SIPA1L1: variants seen among roughly 807,000 people sequenced by gnomAD.
SIPA1L1 encodes signal-induced proliferation-associated 1-like protein 1.
In SIPA1L1, 26 loss-of-function variants were observed where a neutral mutation model predicts 162.7. That is an observed-to-expected ratio of 0.16 (90% CI 0.12 to 0.22). SIPA1L1 has a LOEUF of 0.22. Among genes scored for constraint, SIPA1L1 ranks in the 10% least tolerant of loss-of-function variants. The pLI is 1.00. For missense variants in SIPA1L1, 1,874 were observed against 2,241.0 expected, an observed-to-expected ratio of 0.84 and a Z score of 3.31; for synonymous variants, 829 against 837.4, an observed-to-expected ratio of 0.99 and a Z score of 0.17.
intron 22 of SIPA1L1, chr14:71,735,625 G>A (rs1331685069): frequency 6.8e-6 from 3 of 443,520 alleles, no homozygotes; most frequent in Non-Finnish European, 1.2e-5. Context: ...ATTATTTAAT[G>A]TCATAATACA....
intron 2 of SIPA1L1, among the ~76,000 whole-genome samples, chr14:71,472,423 G>C (rs779009740): frequency 6.6e-6 from 1 of 151,494 alleles, no homozygotes; most frequent in African/African-American, 2.4e-5. Flanking sequence ...GTGTGGTCAT[G>C]ATGACTATAA....
intron 15 of SIPA1L1, chr14:71,704,754 C>A (rs769978697): frequency 1.4e-5 from 23 of 1,612,926 alleles, no homozygotes; most frequent in Non-Finnish European, 1.7e-5. Context: ...GATTTCAATT[C>A]TTTTGTCCTC....
At chr14:71,636,096 A>G (rs1327068985) in intron 7 of SIPA1L1, among the ~76,000 whole-genome samples, 2 of 152,210 alleles carry the variant, frequency 1.3e-5, no homozygotes, top group African/African-American at 4.8e-5. Context: ...AAATAGGTAA[A>G]TACACAATTA....
chr14:71,687,039 A>G (rs2080920350), intron 13 of SIPA1L1, among the ~76,000 whole-genome samples: 1 of 152,224 alleles, frequency 6.6e-6, no homozygotes, highest in African/African-American at 2.4e-5. Context: ...TGACTTTTGA[A>G]CTGTTGCATA....
intron 16 of SIPA1L1, 57 bp downstream of exon 16, chr14:71,705,397 C>T: frequency 2.4e-6 from 3 of 1,255,922 alleles, no homozygotes; most frequent in Non-Finnish European, 3.5e-6. Context: ...ACCTTCCTTG[C>T]ACTATGAAAA....
At chr14:71,649,302 G>A (rs1354701531) in intron 7 of SIPA1L1, among the ~76,000 whole-genome samples, 2 of 149,216 alleles carry the variant, frequency 1.3e-5, no homozygotes, top group Non-Finnish European at 3.0e-5. Context: ...AATGATCCTC[G>A]AACCTCAACC....
intron 2 of SIPA1L1, among the ~76,000 whole-genome samples, chr14:71,500,242 G>A (rs2050100799): frequency 6.6e-6 from 1 of 152,084 alleles, no homozygotes; most frequent in South Asian, 2.1e-4. Flanking sequence ...ACATCCAACA[G>A]AGCACTCATA....
chr14:71,325,540 A>AC (rs755240258), intron 2 of SIPA1L1, among the ~76,000 whole-genome samples: 1 of 152,208 alleles, frequency 6.6e-6, no homozygotes, highest in Non-Finnish European at 1.5e-5. Flanking sequence ...GGTAATGTTC[A>AC]CCAGTCAACA....
At chr14:71,636,941 C>T (rs1393577569) in intron 7 of SIPA1L1, among the ~76,000 whole-genome samples, 1 of 151,500 alleles carries the variant, frequency 6.6e-6, no homozygotes, top group East Asian at 1.9e-4. Flanking sequence ...ATCTCAGCTA[C>T]TCAAGAGGCT....
chr14:71,388,625 G>A (rs1004529966), intron 2 of SIPA1L1, among the ~76,000 whole-genome samples: 1 of 152,200 alleles, frequency 6.6e-6, no homozygotes, highest in Admixed American at 6.5e-5. Context: ...GGATCCGCAT[G>A]GATAGAGAGA....
At chr14:71,672,917 A>T (rs1190127293) in intron 12 of SIPA1L1, among the ~76,000 whole-genome samples, 2 of 152,230 alleles carry the variant, frequency 1.3e-5, no homozygotes, top group African/African-American at 4.8e-5. Context: ...AGAATTTTCC[A>T]CTGGGAGCTG....
chr14:71,715,265 G>A (rs2083182436), intron 17 of SIPA1L1, among the ~76,000 whole-genome samples: 1 of 152,250 alleles, frequency 6.6e-6, no homozygotes, highest in South Asian at 2.1e-4. Flanking sequence ...CCTGTGGCCA[G>A]TTGTACCATT....
At chr14:71,675,827 G>T (rs1416024739) in intron 12 of SIPA1L1, among the ~76,000 whole-genome samples, 2 of 152,102 alleles carry the variant, frequency 1.3e-5, no homozygotes, top group Non-Finnish European at 1.5e-5. Flanking sequence ...CAAGCAAGGG[G>T]GTGCGGGAGG....
At position 71,672,427 on chromosome 14, in the gene SIPA1L1, A is replaced by G. The variant is rs755293861; in HGVS notation, c.2909A>G (p.Tyr970Cys). The G allele has an allele frequency of 1.2e-6, 2 of 1,614,230 alleles. No homozygotes were observed. The highest frequency in any genetic ancestry group is 1.7e-6 in the Non-Finnish European group (2 of 1,180,030). The change falls in exon 12 of 24, where the codon TAT becomes TGT. Residue 970 changes from tyrosine to cysteine, a missense_variant. Around this residue, in one of 5 missense-constraint regions of SIPA1L1, gnomAD observed 936 missense variants for 1,051.9 expected, o/e 0.89. Transcript: ENST00000381232. ...GGACAGCTTGGCTTCCATGTCAACT[A>G]TGAGGGCATTGTGGCGGATGTGGAG... is the stretch of plus-strand genomic sequence containing the variant. ...GLGQLGFHVN[Y>C]EGIVADVEPY...
At chr14:71,708,015 GTTTTTTTTTTTTTGTTTT>G (rs1363153597) in intron 16 of SIPA1L1, among the ~76,000 whole-genome samples, 4 of 100,302 alleles carry the variant, frequency 4.0e-5, no homozygotes, top group Admixed American at 1.1e-4. Context: ...GTTTTTTGGT[GTTTTTTTTTTTTTGTTTT>G]TTTTTTTTTT....
chr14:71,522,224 G>A (rs1213116212), intron 3 of SIPA1L1, among the ~76,000 whole-genome samples: 1 of 152,076 alleles, frequency 6.6e-6, no homozygotes, highest in Non-Finnish European at 1.5e-5. Context: ...TAATTTGTAG[G>A]TGATTTTCTT....
rs1436444106 is a variant in SIPA1L1, at chr14:71,588,830, G to A, written c.958G>A (p.Asp320Asn). Reference protein sequence around the residue: ...SSDLEDNRSEDSVRPWTCPKC... With the variant: ...SSDLEDNRSENSVRPWTCPKC... ...AGATCTTGAAGATAACCGATCAGAA[G>A]ACTCTGTCAGGCCCTGGACATGTCC... The change falls in exon 5 of 24, where the codon GAC (aspartate) becomes AAC (asparagine). Residue 320 changes from aspartate (D) to asparagine (N), a missense_variant. By Grantham distance (23) the Asp-to-Asn change is conservative. Around this residue, in one of 5 missense-constraint regions of SIPA1L1, gnomAD observed 685 missense variants for 828.0 expected, o/e 0.83. Transcript: ENST00000381232. The surrounding 1 kb of genome is among the most constrained non-coding windows in gnomAD (Gnocchi z 4.3). 1 of 1,613,992 alleles carries A rather than the reference G, an allele frequency of 6.2e-7. No homozygotes were observed. The highest frequency in any genetic ancestry group is 1.3e-5 in the African/African-American group (1 of 74,924).
intron 2 of SIPA1L1, among the ~76,000 whole-genome samples, chr14:71,340,243 G>GT (rs548580566): frequency 2.9e-4 from 42 of 146,658 alleles, no homozygotes; most frequent in South Asian, 6.6e-4. Context: ...GTCAGGGACT[G>GT]TTTTTTTTTT....
At chr14:71,596,751 A>G (rs891889339) in intron 5 of SIPA1L1, among the ~76,000 whole-genome samples, 1 of 152,140 alleles carries the variant, frequency 6.6e-6, no homozygotes, top group African/African-American at 2.4e-5. Context: ...GTCTTCTACA[A>G]TCTCTTTGCT....
Sources: gnomAD v4.1 joint callset for allele counts (sites outside exome capture counted in the v4.1 genomes callset) on GRCh38, gnomAD v4.1.1 for gene constraint, gnomAD v4.1.1 regional missense constraint, Gnocchi (gnomAD v3.1) non-coding constraint, MANE v1.5 for transcripts, NCBI Gene and HGNC (gene_info 2026-07-23, HGNC 2026-07-21) for gene names.